The following UGGT2 variants were observed in gnomAD, a reference collection of about 807,000 sequenced individuals.
UGGT2 encodes the protein UDP-glucose:glycoprotein glucosyltransferase 2.
Under a neutral mutation model 192.1 loss-of-function variants are expected in UGGT2, and 180 were observed. The observed-to-expected ratio is 0.94, with a 90% CI of 0.83 to 1.06. UGGT2 has a LOEUF of 1.06. UGGT2 is among the 50% of genes least tolerant of loss of function. UGGT2 has a pLI of 0.00. For missense variants in UGGT2, 1,849 were observed against 1,795.7 expected (o/e 1.03, Z -0.54); for synonymous variants, 580 against 591.0 (o/e 0.98, Z 0.27).
At chr13:96,024,478 G>A (rs1346263896) in intron 2 of UGGT2, among the ~76,000 whole-genome samples, 1 of 152,164 alleles carries the variant, frequency 6.6e-6, no homozygotes, top group Non-Finnish European at 1.5e-5. Context: ...GATAAGCAGG[G>A]GTGGGCAGAA....
chr13:95,858,047 G>C (rs920275412), intron 33 of UGGT2, among the ~76,000 whole-genome samples: 6 of 147,602 alleles, frequency 4.1e-5, no homozygotes, highest in Non-Finnish European at 7.4e-5. Flanking sequence ...AGGAGACACT[G>C]TTGGTGGTGG....
In UGGT2 at chr13:95,957,972, C is replaced by T. The variant is rs117657970; in HGVS notation, c.1336-8518G>A. Among the ~76,000 whole-genome samples the T allele has an allele frequency of 3.4e-3, 521 of 152,224 alleles. 4 individuals are homozygous for T. The highest frequency in any genetic ancestry group is 5.9e-3 in the Non-Finnish European group (403 of 68,002). ...GTAAAATCTAGCCAATGAAAGAATA[C>T]GGTCTAAAGAGTGGTAGAAAACAGT... is the stretch of plus-strand genomic sequence containing the variant. On this transcript the variant is annotated intron_variant, in intron 12 of 38. Transcript: ENST00000376747.
At chr13:95,806,420 T>C (rs984363988) in intron 38 of UGGT2, among the ~76,000 whole-genome samples, 10 of 152,064 alleles carry the variant, frequency 6.6e-5, no homozygotes, top group Admixed American at 1.3e-4. Flanking sequence ...AATTGGAGAA[T>C]TGGTGTTAGA....
chr13:95,898,613 A>G (rs756634081), intron 22 of UGGT2, among the ~76,000 whole-genome samples: 15 of 152,124 alleles, frequency 9.9e-5, no homozygotes, highest in South Asian at 2.1e-4. Flanking sequence ...TGAATCCCCA[A>G]TGCAACAGTG....
intron 1 of UGGT2, among the ~76,000 whole-genome samples, chr13:96,050,089 GC>G (rs1321230233): frequency 6.6e-6 from 1 of 152,138 alleles, no homozygotes; most frequent in African/African-American, 2.4e-5. Context: ...ATACTATAAG[GC>G]TACAGTAACC....
At chr13:95,961,488 G>A (rs1365780846) in intron 12 of UGGT2, among the ~76,000 whole-genome samples, 1 of 151,976 alleles carries the variant, frequency 6.6e-6, no homozygotes, top group Non-Finnish European at 1.5e-5. Context: ...GTCAAAAACA[G>A]TTAAAAGGAC....
intron 25 of UGGT2, among the ~76,000 whole-genome samples, chr13:95,888,176 T>G (rs908723688): frequency 6.6e-6 from 1 of 152,184 alleles, no homozygotes; most frequent in African/African-American, 2.4e-5. Flanking sequence ...CAGGCAAGAT[T>G]TTAATCCAAA....
intron 1 of UGGT2, among the ~76,000 whole-genome samples, chr13:96,040,009 T>C (rs1451695704): frequency 1.3e-5 from 2 of 152,188 alleles, no homozygotes; most frequent in East Asian, 1.9e-4. Context: ...TCACCCTTAA[T>C]GTCCAGATTT....
intron 29 of UGGT2, among the ~76,000 whole-genome samples, chr13:95,875,493 G>C (rs1248080249): frequency 6.6e-6 from 1 of 152,036 alleles, no homozygotes; most frequent in Non-Finnish European, 1.5e-5. Flanking sequence ...GATCCTGCTG[G>C]GATATACGTC....
chr13:96,023,835 C>A (rs1333451093), intron 2 of UGGT2, 76 bp from the exon 3 acceptor site: 52 of 1,228,800 alleles, frequency 4.2e-5, no homozygotes, highest in Non-Finnish European at 5.4e-5. Context: ...CACTGTAAGG[C>A]TAACTTAATG....
chr13:95,999,735 C>T (rs2051738401), intron 5 of UGGT2, among the ~76,000 whole-genome samples: 1 of 150,164 alleles, frequency 6.7e-6, no homozygotes, highest in Non-Finnish European at 1.5e-5. Flanking sequence ...GACTAGAGTG[C>T]TGCCAAAAGC....
intron 14 of UGGT2, 91 bp from the exon 15 acceptor site, chr13:95,947,263 A>G: frequency 4.0e-6 from 5 of 1,244,768 alleles, no homozygotes; most frequent in Non-Finnish European, 5.5e-6. Flanking sequence ...TACAATATCT[A>G]GATGGAGAGA....
chr13:96,023,588 C>T (rs754218083), intron 3 of UGGT2, 41 bp downstream of exon 3: 10 of 1,575,538 alleles, frequency 6.3e-6, no homozygotes, highest in East Asian at 2.3e-5. Flanking sequence ...ACATTGCTAG[C>T]GTGCCTCTTT....
At chr13:95,992,748 G>T (rs2051497379) in intron 7 of UGGT2, among the ~76,000 whole-genome samples, 1 of 152,080 alleles carries the variant, frequency 6.6e-6, no homozygotes, top group South Asian at 2.1e-4. Flanking sequence ...AGTCAGAATG[G>T]CTATTATCAA....
At chr13:95,842,893 T>C (rs1193195554) in intron 36 of UGGT2, among the ~76,000 whole-genome samples, 1 of 152,200 alleles carries the variant, frequency 6.6e-6, no homozygotes, top group Non-Finnish European at 1.5e-5. Flanking sequence ...GACACAATGA[T>C]TGCAGTCTTG....
At chr13:95,831,548 A>G (rs1212478055) in intron 38 of UGGT2, among the ~76,000 whole-genome samples, 1 of 152,096 alleles carries the variant, frequency 6.6e-6, no homozygotes, top group Non-Finnish European at 1.5e-5. Context: ...TTTCTATTTC[A>G]TTGTTAAAAA....
chr13:95,923,500 C>A (rs2048915638), intron 20 of UGGT2, among the ~76,000 whole-genome samples: 2 of 151,878 alleles, frequency 1.3e-5, no homozygotes, highest in East Asian at 3.9e-4. Context: ...TCGCCAGTAG[C>A]TGGGATTACA....
chr13:96,043,306 CA>C (rs1178008486), intron 1 of UGGT2, among the ~76,000 whole-genome samples: 1 of 152,002 alleles, frequency 6.6e-6, no homozygotes, highest in Admixed American at 6.6e-5. Context: ...CTTTTCCAGA[CA>C]AAAAAATGCT....
At chr13:96,017,430 G>T (rs2052374115) in intron 4 of UGGT2, among the ~76,000 whole-genome samples, 1 of 152,118 alleles carries the variant, frequency 6.6e-6, no homozygotes. Flanking sequence ...TGGCTGTAAG[G>T]TTCCTGAGGC....
Sources: gnomAD v4.1 joint callset for allele counts (sites outside exome capture counted in the v4.1 genomes callset) on GRCh38, gnomAD v4.1.1 for gene constraint, MANE v1.5 for transcripts, NCBI Gene and HGNC (gene_info 2026-07-23, HGNC 2026-07-21) for gene names.